Variants in CEP70 observed in about 807,000 individuals in gnomAD.
CEP70 encodes the protein centrosomal protein 70.
In CEP70, 70 loss-of-function variants were observed where a neutral mutation model predicts 90.9. That is an observed-to-expected ratio of 0.77 (90% CI 0.64 to 0.94). CEP70 has a LOEUF of 0.94. Among genes scored for constraint, CEP70 ranks in the 40% least tolerant of loss-of-function variants. The probability of loss-of-function intolerance (pLI) is 0.00; values close to 1 mark genes in which losing one functional copy is unlikely to be tolerated. For synonymous variants in CEP70, 220 were observed against 228.3 expected (o/e 0.96, Z 0.33); for missense variants, 648 against 669.0 (o/e 0.97, Z 0.35).
At chr3:138,540,888 T>C (rs574521376) in intron 6 of CEP70, among the ~76,000 whole-genome samples, 45 of 152,310 alleles carry the variant, frequency 3.0e-4, no homozygotes, top group Non-Finnish European at 4.7e-4. Context: ...GTGGTACATA[T>C]ACACCATAGA....
At chr3:138,505,658 C>T (rs1016147128) in intron 12 of CEP70, among the ~76,000 whole-genome samples, 193 bp from the exon 13 acceptor site, 7 of 152,060 alleles carry the variant, frequency 4.6e-5, no homozygotes, top group South Asian at 2.1e-4. Context: ...AGTGAGTAAG[C>T]GAAGACCCAG....
chr3:138,539,995 T>C (rs914645113), intron 6 of CEP70, among the ~76,000 whole-genome samples: 2 of 152,220 alleles, frequency 1.3e-5, no homozygotes, highest in African/African-American at 2.4e-5. Context: ...TAAGAGCTTC[T>C]GCATAGCAAA....
intron 11 of CEP70, among the ~76,000 whole-genome samples, chr3:138,524,929 A>G (rs2037057470): frequency 1.3e-5 from 2 of 152,246 alleles, no homozygotes; most frequent in Admixed American, 1.3e-4. Context: ...TACCCAAAGG[A>G]TAATAAATCA....
intron 6 of CEP70, among the ~76,000 whole-genome samples, chr3:138,543,960 T>C (rs1002805191): frequency 1.3e-5 from 2 of 152,178 alleles, no homozygotes; most frequent in African/African-American, 4.8e-5. Context: ...CCTTTGTTTG[T>C]TTCTATTATT....
At chr3:138,587,946 G>T (rs1423082476) in intron 2 of CEP70, among the ~76,000 whole-genome samples, 2 of 150,738 alleles carry the variant, frequency 1.3e-5, no homozygotes, top group African/African-American at 4.9e-5. Flanking sequence ...ATACATATAT[G>T]GACAACTAAT....
At chr3:138,568,054 C>T (rs1048413042) in intron 6 of CEP70, among the ~76,000 whole-genome samples, 2 of 152,320 alleles carry the variant, frequency 1.3e-5, no homozygotes, top group African/African-American at 4.8e-5. Context: ...AAAAAACAAA[C>T]AGCCAATTTC....
At position 138,512,842 on chromosome 3, in the gene CEP70, G is replaced by A. The variant is rs1394471942; in HGVS notation, c.945-4298C>T. ...GAGATCAGGAACAAGTTAAAAAAAA[G>A]GACTGCCAATTTTGTTTTTAAAAAT... On this transcript the variant is annotated intron_variant, in intron 11 of 17. Coordinates refer to ENST00000264982, the MANE Select transcript of CEP70 (RefSeq NM_024491.4). Among the ~76,000 whole-genome samples, 5 of 152,220 alleles carry A rather than the reference G, an allele frequency of 3.3e-5. No individual in the cohort carries two copies. In the East Asian group the frequency reaches 9.6e-4, roughly 29 times the overall value.
chr3:138,559,951 G>A (rs1187589721), intron 6 of CEP70, among the ~76,000 whole-genome samples: 2 of 152,186 alleles, frequency 1.3e-5, no homozygotes, highest in African/African-American at 4.8e-5. Context: ...CAAATACCAA[G>A]TGTTGATGAG....
intron 6 of CEP70, among the ~76,000 whole-genome samples, chr3:138,569,814 G>A (rs2041041482): frequency 6.6e-6 from 1 of 152,188 alleles, no homozygotes; most frequent in Non-Finnish European, 1.5e-5. Context: ...GTTGCACTGG[G>A]CTGTGATTGC....
At chr3:138,545,635 T>C (rs2039131438) in intron 6 of CEP70, among the ~76,000 whole-genome samples, 1 of 152,180 alleles carries the variant, frequency 6.6e-6, no homozygotes, top group Non-Finnish European at 1.5e-5. Context: ...TCGGAGAGCC[T>C]ATAAATGGAT....
intron 8 of CEP70, 86 bp downstream of exon 8, chr3:138,532,428 A>C (rs1436978121): frequency 8.4e-7 from 1 of 1,184,546 alleles, no homozygotes; most frequent in East Asian, 3.2e-5. Context: ...TTTCCATAGT[A>C]TATTAAAGTT....
At chr3:138,495,669 C>T (rs568722413) in intron 17 of CEP70, among the ~76,000 whole-genome samples, 98 of 152,102 alleles carry the variant, frequency 6.4e-4, no homozygotes, top group African/African-American at 2.3e-3. Context: ...CTGGCCAACA[C>T]GGTGAAAACC....
intron 7 of CEP70, among the ~76,000 whole-genome samples, chr3:138,534,019 C>T (rs937079666): frequency 4.6e-5 from 7 of 152,238 alleles, no homozygotes; most frequent in Admixed American, 1.3e-4. Context: ...CTCCTGACCT[C>T]GTGATCCGCC....
At chr3:138,517,740 C>T (rs2036175010) in intron 11 of CEP70, among the ~76,000 whole-genome samples, 1 of 152,226 alleles carries the variant, frequency 6.6e-6, no homozygotes, top group South Asian at 2.1e-4. Context: ...CTCCAGTCTA[C>T]AACTCCCTGC....
At chr3:138,591,384 AG>A (rs1321926449) in intron 2 of CEP70, among the ~76,000 whole-genome samples, 1 of 152,108 alleles carries the variant, frequency 6.6e-6, no homozygotes, top group African/African-American at 2.4e-5. Flanking sequence ...TTAATCTAAA[AG>A]TCCAAAACAT....
chr3:138,516,030 A>G (rs1240536360), intron 11 of CEP70, among the ~76,000 whole-genome samples: 1 of 152,080 alleles, frequency 6.6e-6, no homozygotes, highest in Non-Finnish European at 1.5e-5. Context: ...AATACTTCTC[A>G]TCACCTCCAC....
intron 11 of CEP70, among the ~76,000 whole-genome samples, chr3:138,523,557 C>T (rs2036899345): frequency 1.3e-5 from 2 of 152,080 alleles, no homozygotes; most frequent in Non-Finnish European, 2.9e-5. Context: ...GTGCAAAAAT[C>T]ACAAGCATTC....
chr3:138,557,082 G>C (rs574056154), intron 6 of CEP70, among the ~76,000 whole-genome samples: 39 of 152,248 alleles, frequency 2.6e-4, no homozygotes, highest in African/African-American at 8.4e-4. Context: ...GGCCATTTTA[G>C]AGGCCTACCC....
At chr3:138,518,354 C>G (rs1034241030) in intron 11 of CEP70, among the ~76,000 whole-genome samples, 3 of 152,194 alleles carry the variant, frequency 2.0e-5, no homozygotes, top group Non-Finnish European at 4.4e-5. Context: ...CAGCTCGCAG[C>G]TGGAGATCTG....
Sources: allele counts gnomAD v4.1 joint callset (sites outside exome capture counted in the v4.1 genomes callset), GRCh38; gene constraint gnomAD v4.1.1; transcripts MANE v1.5; gene names NCBI Gene and HGNC (gene_info 2026-07-23, HGNC 2026-07-21).